The following PCNX1 variants were observed in gnomAD, a reference collection of about 807,000 sequenced individuals.
PCNX1 encodes the protein pecanex 1, also known as pecanex-like protein 1.
Under a neutral mutation model 242.2 loss-of-function variants are expected in PCNX1, and 78 were observed. The ratio of observed to expected loss-of-function variants is 0.32; its 90% CI spans 0.27 to 0.39. PCNX1 has a LOEUF of 0.39. Ranked by LOEUF, PCNX1 falls within the 10% of genes least tolerant of loss-of-function variation. The pLI is 1.00. For synonymous variants in PCNX1, 1,024 were observed against 1,032.9 expected (o/e 0.99, Z 0.17); for missense variants, 2,581 against 2,856.5 (o/e 0.90, Z 2.20).
intron 1 of PCNX1, among the ~76,000 whole-genome samples, chr14:70,931,851 C>T (rs1256611127): frequency 6.6e-6 from 1 of 152,162 alleles, no homozygotes; most frequent in Admixed American, 6.5e-5. Flanking sequence ...GGGCCAGGCA[C>T]GGTGGCTCAC....
At position 71,112,165 on chromosome 14, in the gene PCNX1, A is replaced by C. The variant is rs2062764858; in HGVS notation, c.*2230A>C. Reference sequence around the variant, plus strand: ...TAGATGGAAGATAATTCATTTTCCCACACAGAAAAAAAATCTGACCTTTAC... The same window carrying C: ...TAGATGGAAGATAATTCATTTTCCCCCACAGAAAAAAAATCTGACCTTTAC... On this transcript the variant is annotated 3_prime_UTR_variant, in exon 36 of 36. Coordinates refer to ENST00000304743, the MANE Select transcript of PCNX1 (RefSeq NM_014982.3). The C allele has an allele frequency of 6.6e-6, 1 of 152,450 alleles. No individual in the cohort carries two copies. The highest frequency in any genetic ancestry group is 1.5e-5 in the Non-Finnish European group (1 of 67,928). 9.4% of individuals were successfully genotyped at this position (152,450 alleles called of 1,614,324 possible). A position where few individuals can be genotyped will look rare whatever the true frequency, so the allele number is the denominator to read the frequency against.
Position 71,109,942 on chromosome 14 carries a change from GTTTA to G in PCNX1, c.*10_*13del, listed in dbSNP as rs2062723072. On this transcript the variant is annotated 3_prime_UTR_variant, in exon 36 of 36. Coordinates refer to ENST00000304743, the MANE Select transcript of PCNX1 (RefSeq NM_014982.3). Reference sequence around the variant, plus strand: ...ACTTGGGGCTGAAGTGTGAGCCAGTGTTTATTATAAAGACATTTCTTTTTCCCTC... The same window carrying G: ...ACTTGGGGCTGAAGTGTGAGCCAGTGTTATAAAGACATTTCTTTTTCCCTC... 1 of 1,612,208 alleles carries G rather than the reference GTTTA, an allele frequency of 6.2e-7. No homozygotes were observed. Among genetic ancestry groups the G allele is most frequent in the African/African-American group, 1.3e-5 (1 of 74,838 alleles).
chr14:71,016,355 T>C (rs2059962583), intron 11 of PCNX1, among the ~76,000 whole-genome samples: 1 of 152,150 alleles, frequency 6.6e-6, no homozygotes, highest in Non-Finnish European at 1.5e-5. Context: ...ATTTAGAAAA[T>C]CAGTGAGGAT....
chr14:70,994,729 T>C (rs973912813), intron 7 of PCNX1, among the ~76,000 whole-genome samples: 50 of 151,860 alleles, frequency 3.3e-4, no homozygotes, highest in Non-Finnish European at 6.6e-4. Flanking sequence ...ACTCAAAACA[T>C]TTTTTCATGA....
chr14:70,914,366 T>G (rs2056062523), intron 1 of PCNX1, among the ~76,000 whole-genome samples: 1 of 152,178 alleles, frequency 6.6e-6, no homozygotes, highest in Non-Finnish European at 1.5e-5. Context: ...AAAGCAGCCA[T>G]ATTTGTCAAT....
At chr14:70,992,023 T>C (rs1339648309) in intron 7 of PCNX1, among the ~76,000 whole-genome samples, 1 of 152,180 alleles carries the variant, frequency 6.6e-6, no homozygotes, top group African/African-American at 2.4e-5. Context: ...ATTTATTTTA[T>C]AATGCTTATA....
intron 28 of PCNX1, among the ~76,000 whole-genome samples, chr14:71,079,645 T>C (rs2061802495): frequency 6.6e-6 from 1 of 152,252 alleles, no homozygotes; most frequent in Admixed American, 6.5e-5. Context: ...GATGAACTTT[T>C]TTTCATATGT....
At chr14:70,976,890 A>G (rs2140112413) in intron 5 of PCNX1, 52 bp from the exon 6 acceptor site, 1 of 1,487,488 alleles carries the variant, frequency 6.7e-7, no homozygotes, top group Non-Finnish European at 9.2e-7. Flanking sequence ...TAAACAGTAG[A>G]AAAGCAGATC....
intron 4 of PCNX1, 57 bp from the exon 5 acceptor site, chr14:70,968,964 C>T: frequency 3.1e-6 from 3 of 965,732 alleles, no homozygotes; most frequent in Non-Finnish European, 1.7e-6. Context: ...TTGGTTATGC[C>T]ACCCTACAGC....
At chr14:71,089,132 A>C in intron 29 of PCNX1, 60 bp from the exon 30 acceptor site, 1 of 1,263,972 alleles carries the variant, frequency 7.9e-7, no homozygotes, top group Non-Finnish European at 1.1e-6. Context: ...CAGATGTAAG[A>C]ATCAGTGTCA....
intron 20 of PCNX1, 109 bp from the exon 21 acceptor site, chr14:71,046,855 A>G: frequency 1.3e-6 from 1 of 756,796 alleles, no homozygotes; most frequent in East Asian, 2.7e-5. Flanking sequence ...TTTTAAAAAC[A>G]GTTTATTTGT....
chr14:70,917,314 T>G (rs561473860), intron 1 of PCNX1, among the ~76,000 whole-genome samples: 1 of 152,228 alleles, frequency 6.6e-6, no homozygotes, highest in African/African-American at 2.4e-5. Flanking sequence ...GTTCTCAGTT[T>G]ACTTCATCCA....
rs116497985 is a variant in PCNX1 at position 71,017,693 on chromosome 14, C to T, written c.2997-1316C>T. 8.5e-3 allele frequency among the ~76,000 whole-genome samples: 1,292 copies of T among 152,196 alleles called. 21 individuals carry two copies. Among genetic ancestry groups the T allele is most frequent in the African/African-American group, 0.03 (1,246 of 41,526 alleles). ...AATCCTTAAAAATCCAAAGACAAGA[C>T]ATGTTCAATGACAAGGGAGGCACTA... is the stretch of plus-strand genomic sequence containing the variant. On this transcript the variant is annotated intron_variant, in intron 11 of 35. Transcript: ENST00000304743.
rs2062477776 is a variant in PCNX1 at position 71,102,036 on chromosome 14, A to G, written c.5636A>G (p.Tyr1879Cys). The G allele has an allele frequency of 1.9e-6, 3 of 1,613,446 alleles. No individual in the cohort carries two copies. Among genetic ancestry groups the G allele is most frequent in the Admixed American group, 1.7e-5 (1 of 59,986 alleles). The change falls in exon 31 of 36, where the codon TAT becomes TGT. Residue 1879 changes from tyrosine (Y) to cysteine (C), a missense_variant. Physicochemically the swap from Tyr to Cys is radical, Grantham distance 194. Around this residue, in one of 9 missense-constraint regions of PCNX1, gnomAD observed 298 missense variants for 480.1 expected, o/e 0.62. Transcript: ENST00000304743. ...PDEYDDPTVL[Y>C]EAIVSHEKNL... ...GAATATGATGACCCTACTGTGCTCTATGAAGCCATAGTATCTCATGAGAAG... is the reference window on the plus strand; with the variant it reads ...GAATATGATGACCCTACTGTGCTCTGTGAAGCCATAGTATCTCATGAGAAG...
chr14:71,086,985 T>C (rs1425567110), intron 28 of PCNX1, among the ~76,000 whole-genome samples: 1 of 151,890 alleles, frequency 6.6e-6, no homozygotes, highest in African/African-American at 2.4e-5. Context: ...GAGGTAAATC[T>C]GAATTAAAAA....
intron 13 of PCNX1, 96 bp downstream of exon 13, chr14:71,023,328 C>A: frequency 1.1e-6 from 1 of 876,904 alleles, no homozygotes; most frequent in Non-Finnish European, 1.9e-6. Context: ...GTTTGGAATG[C>A]ATCAGCCTGA....
chr14:70,911,953 T>C (rs1013725373), intron 1 of PCNX1, among the ~76,000 whole-genome samples: 4 of 152,080 alleles, frequency 2.6e-5, no homozygotes, highest in African/African-American at 9.7e-5. Flanking sequence ...AAATAGAACA[T>C]TAAAATTTAT....
At chr14:70,943,864 G>T (rs935424351) in intron 1 of PCNX1, among the ~76,000 whole-genome samples, 6 of 152,216 alleles carry the variant, frequency 3.9e-5, no homozygotes, top group Non-Finnish European at 8.8e-5. Context: ...GGGCCAATGT[G>T]CAGCTCAGGC....
intron 1 of PCNX1, among the ~76,000 whole-genome samples, chr14:70,921,619 T>TTATTGAAAAA (rs2056378514): frequency 6.6e-6 from 1 of 152,168 alleles, no homozygotes; most frequent in African/African-American, 2.4e-5. Context: ...CCAGGATGTG[T>TTATTGAAAAA]TATTGAAAAA....
Sources: allele counts gnomAD v4.1 joint callset (sites outside exome capture counted in the v4.1 genomes callset), GRCh38; gene constraint gnomAD v4.1.1; regional missense constraint gnomAD v4.1.1; transcripts MANE v1.5; gene names NCBI Gene and HGNC (gene_info 2026-07-23, HGNC 2026-07-21).